Variants in PDE1C observed in about 807,000 individuals in gnomAD.
PDE1C encodes dual specificity calcium/calmodulin-dependent 3',5'-cyclic nucleotide phosphodiesterase 1C.
PDE1C carries 62 observed loss-of-function variants against 93.1 expected under a neutral mutation model. The observed-to-expected ratio is 0.67, with a 90% CI of 0.54 to 0.82. The LOEUF (loss-of-function observed/expected upper bound fraction) is 0.82, where lower values mean the gene tolerates loss of function less well. Among genes scored for constraint, PDE1C ranks in the 40% least tolerant of loss-of-function variants. The pLI is 0.00. For synonymous variants in PDE1C, 325 were observed against 310.1 expected, an observed-to-expected ratio of 1.05 and a Z score of -0.50; for missense variants, 742 against 884.6, an observed-to-expected ratio of 0.84 and a Z score of 2.04.
At chr7:32,398,669 G>A (rs1275461209) in intron 1 of PDE1C, among the ~76,000 whole-genome samples, 1 of 152,030 alleles carries the variant, frequency 6.6e-6, no homozygotes, top group African/African-American at 2.4e-5. Flanking sequence ...GATTACAGGC[G>A]TGAACCACGG....
chr7:32,396,231 C>A (rs1302706617), intron 1 of PDE1C, among the ~76,000 whole-genome samples: 1 of 152,126 alleles, frequency 6.6e-6, no homozygotes, highest in East Asian at 1.9e-4. Context: ...GTAATCCCAA[C>A]ACTTTGGGAG....
At chr7:32,014,380 TA>T (rs1787587086) in intron 2 of PDE1C, among the ~76,000 whole-genome samples, 1 of 152,244 alleles carries the variant, frequency 6.6e-6, no homozygotes. Context: ...AACATTGTTT[TA>T]ACGCCCACAA....
chr7:32,310,683 A>T (rs1167501546), intron 1 of PDE1C, among the ~76,000 whole-genome samples: 1 of 152,132 alleles, frequency 6.6e-6, no homozygotes, highest in Non-Finnish European at 1.5e-5. Context: ...AGGCAGAAAT[A>T]AAGATGTTCT....
At chr7:32,320,678 T>A (rs1277774083) in intron 1 of PDE1C, among the ~76,000 whole-genome samples, 2 of 146,062 alleles carry the variant, frequency 1.4e-5, no homozygotes, top group Non-Finnish European at 3.0e-5. Flanking sequence ...AAGTTTCACA[T>A]ATGTGTTAAT....
At chr7:31,854,712 T>C (rs1793778968) in intron 7 of PDE1C, among the ~76,000 whole-genome samples, 1 of 152,162 alleles carries the variant, frequency 6.6e-6, no homozygotes, top group African/African-American at 2.4e-5. Flanking sequence ...TGATAGAGTT[T>C]CTTTAGTAAT....
chr7:31,960,975 C>T (rs1808854147), intron 2 of PDE1C, among the ~76,000 whole-genome samples: 1 of 152,120 alleles, frequency 6.6e-6, no homozygotes, highest in Non-Finnish European at 1.5e-5. Context: ...TCAATTTCAT[C>T]ATCTCCTCTC....
At chr7:31,959,074 A>T (rs1808539665) in intron 2 of PDE1C, among the ~76,000 whole-genome samples, 1 of 152,198 alleles carries the variant, frequency 6.6e-6, no homozygotes, top group South Asian at 2.1e-4. Context: ...AGCCATAATC[A>T]TCATCTCCCT....
At chr7:31,888,830 A>G (rs1798284455) in intron 2 of PDE1C, among the ~76,000 whole-genome samples, 1 of 151,972 alleles carries the variant, frequency 6.6e-6, no homozygotes, top group Non-Finnish European at 1.5e-5. Context: ...AAAGCAGCAA[A>G]TAAGTTATTC....
chr7:31,670,319 T>G, the PDE1C span, among the ~76,000 whole-genome samples: 1 of 152,176 alleles, frequency 6.6e-6, no homozygotes, highest in Admixed American at 6.5e-5. Context: ...TTTGGAGCAT[T>G]TGGGATTTTA....
intron 1 of PDE1C, among the ~76,000 whole-genome samples, chr7:32,247,572 C>T (rs545905600): frequency 2.0e-5 from 3 of 152,218 alleles, no homozygotes; most frequent in East Asian, 1.9e-4. Context: ...TACAATTGTT[C>T]GACTTACAAT....
chr7:32,393,568 G>A (rs552329799), intron 1 of PDE1C, among the ~76,000 whole-genome samples: 1 of 152,076 alleles, frequency 6.6e-6, no homozygotes, highest in South Asian at 2.1e-4. Flanking sequence ...GTTAATTATT[G>A]TCATTTTCCT....
intron 16 of PDE1C, chr7:31,789,944 T>A (rs1784390446): frequency 1.7e-6 from 2 of 1,182,588 alleles, no homozygotes; most frequent in Non-Finnish European, 2.1e-6. Context: ...TAGCAAAGGA[T>A]TTTGAGGATG....
At chr7:32,086,255 T>C (rs1270675268) in intron 3 of PDE1C, among the ~76,000 whole-genome samples, 4 of 149,606 alleles carry the variant, frequency 2.7e-5, no homozygotes, top group Admixed American at 6.6e-5. Context: ...CCATTCACAA[T>C]TGCTTCAAAG....
chr7:32,309,530 A>G (rs1416461898), intron 1 of PDE1C, among the ~76,000 whole-genome samples: 1 of 152,264 alleles, frequency 6.6e-6, no homozygotes, highest in Non-Finnish European at 1.5e-5. Flanking sequence ...AGGGAAGCCC[A>G]TCAGACTAAC....
In PDE1C at chr7:32,312,486, C is replaced by T. The variant is rs1431591435; in HGVS notation, c.311-102947G>A. ...CAAAAGAACAAAGCCAGAGGCATCA[C>T]GCTACCTGACTTCAAACTATACTAC... On this transcript the variant is annotated intron_variant, in intron 1 of 1. Coordinates refer to the PDE1C transcript ENST00000672256. 3.0e-4 allele frequency among the ~76,000 whole-genome samples: 46 copies of T among 152,302 alleles called. 1 individual carries two copies. Among genetic ancestry groups the T allele is most frequent in the Admixed American group, 1.5e-3 (23 of 15,290 alleles).
chr7:32,323,416 AC>A (rs1197976852), intron 1 of PDE1C, among the ~76,000 whole-genome samples: 1 of 152,120 alleles, frequency 6.6e-6, no homozygotes, highest in Non-Finnish European at 1.5e-5. Context: ...TAGCTCCAGC[AC>A]CCCACCACAA....
At chr7:31,748,966 T>C (rs1794062294), downstream of PDE1C, among the ~76,000 whole-genome samples, 1 of 152,262 alleles carries the variant, frequency 6.6e-6, no homozygotes, top group South Asian at 2.1e-4. Flanking sequence ...GATGTACAAG[T>C]GGCCTTTCAT....
chr7:31,925,408 A>G (rs1489179349), intron 2 of PDE1C, among the ~76,000 whole-genome samples: 1 of 152,200 alleles, frequency 6.6e-6, no homozygotes, highest in East Asian at 1.9e-4. Flanking sequence ...TCACACATAC[A>G]ATAAAGTTCC....
At chr7:32,281,036 A>ATGTG (rs1474236488) in intron 1 of PDE1C, among the ~76,000 whole-genome samples, 2 of 152,196 alleles carry the variant, frequency 1.3e-5, no homozygotes, top group East Asian at 3.8e-4. Context: ...CCAAATATGT[A>ATGTG]TGTGTGTGTA....
Sources: allele counts gnomAD v4.1 joint callset (sites outside exome capture counted in the v4.1 genomes callset), GRCh38; gene constraint gnomAD v4.1.1; transcripts MANE v1.5; gene names NCBI Gene and HGNC (gene_info 2026-07-23, HGNC 2026-07-21).